EFHB: variants seen among roughly 807,000 people sequenced by gnomAD.
EFHB encodes the protein EF-hand domain family member B.
A neutral mutation model predicts 87.2 loss-of-function variants in EFHB; 91 were observed. That is an observed-to-expected ratio of 1.04 (90% CI 0.88 to 1.24). The LOEUF is 1.24. EFHB is among the 50% of genes most tolerant of loss of function. The probability of loss-of-function intolerance (pLI) is 0.00; values close to 1 mark genes in which losing one functional copy is unlikely to be tolerated. For missense variants in EFHB, 1,084 were observed against 998.8 expected (o/e 1.09, Z -1.15); for synonymous variants, 325 against 333.6 (o/e 0.97, Z 0.28).
At chr3:19,934,461 GTCTC>G (rs199631772), upstream of EFHB, among the ~76,000 whole-genome samples, 1 of 124,664 alleles carries the variant, frequency 8.0e-6, no homozygotes, top group African/African-American at 3.1e-5. Context: ...CTCTCTGTGT[GTCTC>G]TCTCTCTTGC....
At chr3:19,935,485 G>A (rs1695990153), upstream of EFHB, among the ~76,000 whole-genome samples, 1 of 152,032 alleles carries the variant, frequency 6.6e-6, no homozygotes, top group Admixed American at 6.5e-5. Context: ...GCCGAGGCAG[G>A]CAGATCACTT....
At chr3:19,890,540 A>C (rs764822808) in intron 9 of EFHB, among the ~76,000 whole-genome samples, 5 of 152,248 alleles carry the variant, frequency 3.3e-5, no homozygotes, top group Non-Finnish European at 5.9e-5. Context: ...ACGGCTTCCA[A>C]GCCTGAATAT....
chr3:19,883,211 G>A (rs547049009), intron 11 of EFHB, among the ~76,000 whole-genome samples: 1 of 152,060 alleles, frequency 6.6e-6, no homozygotes, highest in South Asian at 2.1e-4. Context: ...ATGTTGCCCA[G>A]GCTGGTCTTG....
chr3:19,911,038 CACCAAGGA>C (rs1371797889), intron 5 of EFHB, among the ~76,000 whole-genome samples: 1 of 152,168 alleles, frequency 6.6e-6, no homozygotes, highest in Non-Finnish European at 1.5e-5. Flanking sequence ...CAATGCCAGA[CACCAAGGA>C]ACATCTACAA....
At chr3:19,930,558 C>T (rs1036154420) in intron 1 of EFHB, among the ~76,000 whole-genome samples, 1 of 152,100 alleles carries the variant, frequency 6.6e-6, no homozygotes, top group East Asian at 1.9e-4. Context: ...TCTATTATGT[C>T]GTTCTAACAA....
chr3:19,924,714 G>C (rs976723366), intron 1 of EFHB, among the ~76,000 whole-genome samples: 1 of 152,112 alleles, frequency 6.6e-6, no homozygotes, highest in African/African-American at 2.4e-5. Flanking sequence ...TCATGAGGAT[G>C]TTCCATGTTC....
chr3:19,927,203 T>A (rs2929359), intron 1 of EFHB, among the ~76,000 whole-genome samples: 96,793 of 152,084 alleles, frequency 0.64, 31,247 homozygotes, highest in African/African-American at 0.69. Context: ...GGTTTCTGCC[T>A]TAGTCAGTGC....
chr3:19,880,362 G>A (rs890843344), intron 12 of EFHB, among the ~76,000 whole-genome samples: 3 of 151,964 alleles, frequency 2.0e-5, no homozygotes, highest in Non-Finnish European at 1.5e-5. Flanking sequence ...CGATTCTTCT[G>A]CCTCAGCCTC....
At chr3:19,899,549 T>G (rs1694600262) in intron 6 of EFHB, 34 bp from the exon 7 acceptor site, 2 of 1,518,474 alleles carry the variant, frequency 1.3e-6, no homozygotes, top group East Asian at 2.3e-5. Flanking sequence ...GTATCTCTAT[T>G]ACCTAAAGTA....
chr3:19,920,448 T>C, intron 2 of EFHB, 57 bp downstream of exon 2: 1 of 1,422,126 alleles, frequency 7.0e-7, no homozygotes, highest in South Asian at 1.3e-5. Flanking sequence ...TGCCTATTCC[T>C]TAATGTTCAC....
chr3:19,893,924 A>G (rs1360890943), intron 9 of EFHB, among the ~76,000 whole-genome samples: 1 of 152,242 alleles, frequency 6.6e-6, no homozygotes, highest in Non-Finnish European at 1.5e-5. Flanking sequence ...TTATTTTAGG[A>G]AACTATTCTA....
chr3:19,929,752 T>C (rs778932683), intron 1 of EFHB, among the ~76,000 whole-genome samples: 104 of 150,478 alleles, frequency 6.9e-4, no homozygotes, highest in Non-Finnish European at 5.6e-4. Context: ...ATATTTTTTA[T>C]CATTAAAAGA....
At chr3:19,929,900 A>C (rs1695771907) in intron 1 of EFHB, among the ~76,000 whole-genome samples, 1 of 152,214 alleles carries the variant, frequency 6.6e-6, no homozygotes, top group Non-Finnish European at 1.5e-5. Context: ...AGAGTAACTA[A>C]CAACTCAGGC....
intron 1 of EFHB, among the ~76,000 whole-genome samples, chr3:19,943,937 C>T (rs1387988015): frequency 2.6e-5 from 4 of 152,208 alleles, no homozygotes; most frequent in Non-Finnish European, 5.9e-5. Flanking sequence ...GTTATGAAGA[C>T]AACAGACTAC....
chr3:19,907,524 T>C (rs891115995), intron 5 of EFHB, among the ~76,000 whole-genome samples: 2 of 152,196 alleles, frequency 1.3e-5, no homozygotes, highest in Non-Finnish European at 2.9e-5. Flanking sequence ...TTTGAGAGGT[T>C]TGGTGTTTTG....
At chr3:19,882,509 T>C in intron 12 of EFHB, 41 bp downstream of exon 12, 2 of 1,423,632 alleles carry the variant, frequency 1.4e-6, no homozygotes, top group Non-Finnish European at 1.9e-6. Flanking sequence ...TAGTTGTTGA[T>C]AGAGAAAACA....
chr3:19,896,664 A>G (rs1262519078), intron 9 of EFHB, 23 bp downstream of exon 9: 2 of 1,613,914 alleles, frequency 1.2e-6, no homozygotes, highest in Non-Finnish European at 1.7e-6. Flanking sequence ...TGCATTACCA[A>G]AAAGCTCTCC....
intron 12 of EFHB, 130 bp from the exon 13 acceptor site, chr3:19,879,934 G>A (rs2071631062): frequency 2.5e-6 from 2 of 785,000 alleles, no homozygotes; most frequent in East Asian, 5.6e-5. Flanking sequence ...GTGTGTGTAT[G>A]TATTTGTGTG....
intron 1 of EFHB, among the ~76,000 whole-genome samples, chr3:19,924,968 G>A (rs998431782): frequency 5.4e-4 from 82 of 152,064 alleles, no homozygotes; most frequent in African/African-American, 1.9e-3. Flanking sequence ...TAGGATGGCC[G>A]GGCGCAGTGG....
Sources: allele counts gnomAD v4.1 joint callset (sites outside exome capture counted in the v4.1 genomes callset), GRCh38; gene constraint gnomAD v4.1.1; transcripts MANE v1.5; gene names NCBI Gene and HGNC (gene_info 2026-07-23, HGNC 2026-07-21).